The following RAD51B variants were observed in gnomAD, a reference collection of about 807,000 sequenced individuals.
RAD51B encodes DNA repair protein RAD51 homolog 2.
A neutral mutation model predicts 42.2 loss-of-function variants in RAD51B; 38 were observed. The observed-to-expected ratio is 0.90, with a 90% confidence interval of 0.70 to 1.18. The LOEUF (loss-of-function observed/expected upper bound fraction) is 1.18, where lower values mean the gene tolerates loss of function less well. RAD51B is among the 50% of genes most tolerant of loss of function. The pLI is 0.00. For synonymous variants in RAD51B, 154 were observed against 145.2 expected, an observed-to-expected ratio of 1.06 and a Z score of -0.43; for missense variants, 373 against 400.7, an observed-to-expected ratio of 0.93 and a Z score of 0.59.
At chr14:68,184,496 C>T (rs2079116295) in intron 7 of RAD51B, among the ~76,000 whole-genome samples, 1 of 151,796 alleles carries the variant, frequency 6.6e-6, no homozygotes. Flanking sequence ...CCACCTGCCT[C>T]ATCTTCCCAA....
In RAD51B at chr14:68,580,122, C is replaced by A. The variant is rs73284033; in HGVS notation, c.1037-14363C>A. Among the ~76,000 whole-genome samples, 1,202 of 152,366 alleles carry A rather than the reference C, an allele frequency of 7.9e-3. 13 individuals are homozygous for A. The highest frequency in any genetic ancestry group is 0.028 in the African/African-American group (1,154 of 41,586). ...CTACCTGCCTGCCCTGAGACCCCCG[C>A]TGGCTACCATTATCCCAGGACAAAA... On this transcript the variant is annotated intron_variant, in intron 10 of 10. Transcript: ENST00000487270.
intron 7 of RAD51B, among the ~76,000 whole-genome samples, chr14:68,007,401 A>G (rs143306441): frequency 0.01 from 1,575 of 152,144 alleles, 27 homozygotes; most frequent in African/African-American, 0.036. Context: ...GCTGGGTTCT[A>G]TAGTAATCCT....
chr14:68,124,085 T>C (rs2140644691), intron 7 of RAD51B, among the ~76,000 whole-genome samples: 1 of 152,294 alleles, frequency 6.6e-6, no homozygotes, highest in South Asian at 2.1e-4. Flanking sequence ...AATGGAACTC[T>C]TTCCCCCATT....
intron 10 of RAD51B, among the ~76,000 whole-genome samples, chr14:68,486,925 C>A (rs1040246489): frequency 1.3e-5 from 2 of 152,168 alleles, no homozygotes; most frequent in African/African-American, 4.8e-5. Context: ...CCTGATGGTG[C>A]GGTCACACCA....
chr14:68,274,256 AG>A (rs2081178326), intron 7 of RAD51B, among the ~76,000 whole-genome samples: 1 of 152,104 alleles, frequency 6.6e-6, no homozygotes, highest in Non-Finnish European at 1.5e-5. Context: ...CATAATATTC[AG>A]TTAATATTTA....
At chr14:68,249,396 T>C (rs1028683349) in intron 7 of RAD51B, among the ~76,000 whole-genome samples, 13 of 152,222 alleles carry the variant, frequency 8.5e-5, no homozygotes, top group Non-Finnish European at 1.5e-4. Context: ...AAGAAACTCC[T>C]GTAAAACCAA....
chr14:68,426,535 G>T (rs940850760), intron 9 of RAD51B, among the ~76,000 whole-genome samples: 10 of 152,170 alleles, frequency 6.6e-5, no homozygotes, highest in African/African-American at 2.4e-4. Flanking sequence ...CAATGAACTA[G>T]GATATCTGGT....
At chr14:68,482,275 G>T (rs746482856), downstream of RAD51B, among the ~76,000 whole-genome samples, 1 of 151,928 alleles carries the variant, frequency 6.6e-6, no homozygotes, top group Non-Finnish European at 1.5e-5. Context: ...AGGTATTGCA[G>T]TCCTGGTGAA....
At chr14:68,324,365 A>G (rs1158975136) in intron 8 of RAD51B, among the ~76,000 whole-genome samples, 1 of 152,218 alleles carries the variant, frequency 6.6e-6, no homozygotes, top group East Asian at 1.9e-4. Context: ...ATGGGCACCA[A>G]AACATTTTAT....
intron 7 of RAD51B, among the ~76,000 whole-genome samples, chr14:68,246,263 A>G (rs1394371306): frequency 2.6e-5 from 4 of 151,738 alleles, no homozygotes; most frequent in Non-Finnish European, 4.4e-5. Flanking sequence ...CCATGATTAG[A>G]TCTGTCTCTG....
intron 8 of RAD51B, among the ~76,000 whole-genome samples, chr14:68,312,140 A>T (rs999860080): frequency 2.0e-5 from 3 of 152,058 alleles, no homozygotes; most frequent in Admixed American, 6.5e-5. Flanking sequence ...TTTGTTTTTT[A>T]GTGCTGATGA....
intron 7 of RAD51B, among the ~76,000 whole-genome samples, chr14:68,013,510 T>A (rs2140334498): frequency 6.6e-6 from 1 of 152,330 alleles, no homozygotes; most frequent in Non-Finnish European, 1.5e-5. Context: ...TATTACTTTA[T>A]TTAATAATTG....
intron 7 of RAD51B, among the ~76,000 whole-genome samples, chr14:68,205,826 C>T (rs2079573820): frequency 6.6e-6 from 1 of 152,092 alleles, no homozygotes; most frequent in Non-Finnish European, 1.5e-5. Flanking sequence ...TCTATACCCC[C>T]AAATACTTCG....
chr14:67,888,098 A>G lies in RAD51B; in HGVS notation c.756+894A>G, dbSNP rs2043115685. Among the ~76,000 whole-genome samples the G allele has an allele frequency of 1.3e-5, 2 of 152,220 alleles. 1 individual carries two copies. The highest frequency in any genetic ancestry group is 4.1e-4 in the South Asian group (2 of 4,832). On this transcript the variant is annotated intron_variant, in intron 7 of 10. Transcript: ENST00000471583. ...AGAATATGTATAAATAATATAAACTATCACACAGCCTTTGAGGTTTATAAA... is the reference window on the plus strand; with the variant it reads ...AGAATATGTATAAATAATATAAACTGTCACACAGCCTTTGAGGTTTATAAA...
intron 7 of RAD51B, among the ~76,000 whole-genome samples, chr14:68,181,904 A>G (rs2079067233): frequency 6.6e-6 from 1 of 152,222 alleles, no homozygotes. Context: ...CCAATCTTAT[A>G]TGCCTAATAA....
intron 7 of RAD51B, among the ~76,000 whole-genome samples, chr14:68,221,642 C>G (rs1431164861): frequency 1.3e-5 from 2 of 152,084 alleles, no homozygotes; most frequent in African/African-American, 4.8e-5. Flanking sequence ...ACTTCATGAC[C>G]AAGAACCCAA....
At chr14:68,555,969 A>G (rs1888822101) in intron 10 of RAD51B, among the ~76,000 whole-genome samples, 1 of 152,240 alleles carries the variant, frequency 6.6e-6, no homozygotes, top group Admixed American at 6.5e-5. Context: ...TTTTCTGAAA[A>G]GAATTCTAAA....
chr14:68,388,379 T>G (rs1195319458), intron 8 of RAD51B, among the ~76,000 whole-genome samples: 1 of 152,116 alleles, frequency 6.6e-6, no homozygotes, highest in Admixed American at 6.5e-5. Flanking sequence ...ATTACAGGCA[T>G]GAGCCACCAC....
At chr14:68,408,039 A>C (rs2084324040) in intron 8 of RAD51B, among the ~76,000 whole-genome samples, 1 of 152,154 alleles carries the variant, frequency 6.6e-6, no homozygotes, top group Non-Finnish European at 1.5e-5. Context: ...AGTAAAACAG[A>C]GGGTGGCTTT....
Sources: gnomAD v4.1 joint callset for allele counts (sites outside exome capture counted in the v4.1 genomes callset) on GRCh38, gnomAD v4.1.1 for gene constraint, MANE v1.5 for transcripts, NCBI Gene and HGNC (gene_info 2026-07-23, HGNC 2026-07-21) for gene names.